Variants in DGKB observed in about 807,000 individuals in gnomAD.
The protein encoded by DGKB is 90 kDa diacylglycerol kinase.
In DGKB, 67 loss-of-function variants were observed where a neutral mutation model predicts 114.3. The ratio of observed to expected loss-of-function variants is 0.59; its 90% CI spans 0.48 to 0.72. The LOEUF is 0.72. Among genes scored for constraint, DGKB ranks in the 30% least tolerant of loss-of-function variants. The pLI, the probability that DGKB is intolerant of heterozygous loss-of-function variation, is 0.00. For missense variants in DGKB, 907 were observed against 975.2 expected (o/e 0.93, Z 0.93); for synonymous variants, 398 against 323.1 (o/e 1.23, Z -2.49).
At chr7:14,768,305 T>G (rs552810774) in intron 2 of DGKB, among the ~76,000 whole-genome samples, 1 of 151,966 alleles carries the variant, frequency 6.6e-6, no homozygotes, top group Non-Finnish European at 1.5e-5. Context: ...TTAAATGTAG[T>G]TGAAGAATTT....
intron 1 of DGKB, among the ~76,000 whole-genome samples, chr7:14,847,444 G>T (rs1345834577): frequency 1.3e-5 from 2 of 152,194 alleles, no homozygotes; most frequent in Non-Finnish European, 2.9e-5. Context: ...TGCTGAAGAA[G>T]TAGGATGAAA....
intron 23 of DGKB, among the ~76,000 whole-genome samples, chr7:14,325,962 T>C (rs1160219656): frequency 6.6e-6 from 1 of 152,276 alleles, no homozygotes; most frequent in East Asian, 1.9e-4. Context: ...TTAAAATGTA[T>C]TGAGCTGTAA....
intron 21 of DGKB, among the ~76,000 whole-genome samples, chr7:14,424,336 C>T (rs1479277103): frequency 1.3e-5 from 2 of 152,050 alleles, no homozygotes; most frequent in Non-Finnish European, 2.9e-5. Context: ...CTTGATGCTT[C>T]GTGACTATTT....
intron 20 of DGKB, among the ~76,000 whole-genome samples, chr7:14,530,536 T>G (rs1377993810): frequency 6.6e-6 from 1 of 151,524 alleles, no homozygotes; most frequent in East Asian, 1.9e-4. Context: ...AGGTGAGGCT[T>G]GAAAATTGGA....
intron 17 of DGKB, among the ~76,000 whole-genome samples, chr7:14,606,336 TC>T (rs1465361639): frequency 6.6e-6 from 1 of 152,042 alleles, no homozygotes; most frequent in Admixed American, 6.6e-5. Context: ...GAGCCTGTCT[TC>T]CACAGGAAGG....
At chr7:14,184,042 T>G (rs1400730896) in intron 23 of DGKB, among the ~76,000 whole-genome samples, 1 of 152,144 alleles carries the variant, frequency 6.6e-6, no homozygotes, top group Non-Finnish European at 1.5e-5. Flanking sequence ...GACAGTCCAT[T>G]TGCAGGAGAA....
At chr7:14,574,826 T>C (rs2128711273) in intron 19 of DGKB, among the ~76,000 whole-genome samples, 1 of 152,334 alleles carries the variant, frequency 6.6e-6, no homozygotes, top group South Asian at 2.1e-4. Context: ...TTTTCCCGTC[T>C]AGTGATATAA....
intron 17 of DGKB, among the ~76,000 whole-genome samples, chr7:14,602,252 T>C (rs1239729887): frequency 6.6e-6 from 1 of 152,156 alleles, no homozygotes; most frequent in Non-Finnish European, 1.5e-5. Context: ...CTCATCCATA[T>C]CTGATTTAGA....
In DGKB at chr7:14,149,076, G is replaced by C. The variant is rs904242053; in HGVS notation, c.*55C>G. The C allele has an allele frequency of 2.3e-5, 33 of 1,419,960 alleles. No individual in the cohort carries two copies. In the Admixed American group the frequency reaches 5.5e-4, roughly 24 times the overall value. 88.0% of individuals were successfully genotyped at this position (1,419,960 alleles called of 1,614,324 possible). ...AATGGTTCAAAGATTTCCAGCATAT[G>C]TGTTCCATGGCCCAATTATGCTAAT... On this transcript the variant is annotated 3_prime_UTR_variant, in exon 26 of 26. Transcript: ENST00000402815.
intron 16 of DGKB, among the ~76,000 whole-genome samples, chr7:14,610,058 G>C (rs1281204592): frequency 6.6e-6 from 1 of 151,922 alleles, no homozygotes; most frequent in East Asian, 1.9e-4. Context: ...ATACCAAAAA[G>C]ATACATGCAC....
intron 13 of DGKB, among the ~76,000 whole-genome samples, chr7:14,646,135 C>G (rs762047294): frequency 6.6e-6 from 1 of 152,154 alleles, no homozygotes; most frequent in Non-Finnish European, 1.5e-5. Context: ...TCTCACTTCA[C>G]TTGCAAAGAC....
chr7:14,725,184 C>T (rs1229847585), intron 5 of DGKB, among the ~76,000 whole-genome samples: 1 of 151,980 alleles, frequency 6.6e-6, no homozygotes, highest in African/African-American at 2.4e-5. Flanking sequence ...AAACAAAAAA[C>T]AGAAAACAAA....
chr7:14,315,723 ACG>A (rs1232933704), intron 23 of DGKB, among the ~76,000 whole-genome samples: 114 of 150,560 alleles, frequency 7.6e-4, no homozygotes, highest in African/African-American at 2.6e-3. Context: ...AGACAGATCA[ACG>A]GGACAGAAAG....
At chr7:14,847,150 G>A (rs1172062578) in intron 1 of DGKB, among the ~76,000 whole-genome samples, 2 of 152,068 alleles carry the variant, frequency 1.3e-5, no homozygotes, top group African/African-American at 4.8e-5. Context: ...AATTAACAGA[G>A]CGTGGTGGTG....
intron 23 of DGKB, among the ~76,000 whole-genome samples, chr7:14,333,831 C>T (rs2128562538): frequency 6.6e-6 from 1 of 152,310 alleles, no homozygotes; most frequent in South Asian, 2.1e-4. Context: ...AAATTCATGA[C>T]ATAATGATAC....
At chr7:14,822,962 T>C (rs1845153066) in intron 2 of DGKB, among the ~76,000 whole-genome samples, 1 of 152,050 alleles carries the variant, frequency 6.6e-6, no homozygotes, top group Admixed American at 6.6e-5. Flanking sequence ...ATTGGATAAT[T>C]CAATCCATTT....
At chr7:14,652,001 G>A (rs1249220710) in intron 13 of DGKB, among the ~76,000 whole-genome samples, 1 of 130,696 alleles carries the variant, frequency 7.7e-6, no homozygotes, top group Non-Finnish European at 1.6e-5. Context: ...AATAAAAGAG[G>A]ATACAAACAA....
intron 20 of DGKB, among the ~76,000 whole-genome samples, chr7:14,548,074 T>C (rs745999275): frequency 1.2e-4 from 18 of 152,220 alleles, no homozygotes; most frequent in Non-Finnish European, 2.5e-4. Context: ...ATGGGAAATT[T>C]ATACCATTTG....
chr7:14,152,596 C>G (rs1782384654), intron 25 of DGKB, among the ~76,000 whole-genome samples: 2 of 152,072 alleles, frequency 1.3e-5, no homozygotes, highest in South Asian at 4.1e-4. Flanking sequence ...ATGACTATTT[C>G]TACTTCTGTC....
Sources: gnomAD v4.1 joint callset for allele counts (sites outside exome capture counted in the v4.1 genomes callset) on GRCh38, gnomAD v4.1.1 for gene constraint, MANE v1.5 for transcripts, NCBI Gene and HGNC (gene_info 2026-07-23, HGNC 2026-07-21) for gene names.